YIPF4: variants seen among roughly 807,000 people sequenced by gnomAD.
YIPF4 encodes the protein protein YIPF4.
Under a neutral mutation model 29.4 loss-of-function variants are expected in YIPF4, and 18 were observed. That is an observed-to-expected ratio of 0.61 (90% CI 0.42 to 0.91). YIPF4 has a LOEUF of 0.91. Ranked by LOEUF, YIPF4 falls within the 40% of genes least tolerant of loss-of-function variation. The pLI is 0.00. For missense variants in YIPF4, 279 were observed against 282.7 expected, an observed-to-expected ratio of 0.99 and a Z score of 0.09; for synonymous variants, 115 against 104.7, an observed-to-expected ratio of 1.10 and a Z score of -0.60.
chr2:32,280,007 C>G (rs931445085), intron 1 of YIPF4, among the ~76,000 whole-genome samples: 1 of 150,282 alleles, frequency 6.7e-6, no homozygotes, highest in African/African-American at 2.5e-5. Context: ...AGTGATCCTC[C>G]CGCTTCAGTC....
intron 3 of YIPF4, among the ~76,000 whole-genome samples, chr2:32,294,485 C>T (rs1376946724): frequency 5.3e-5 from 8 of 151,138 alleles, no homozygotes; most frequent in African/African-American, 9.8e-5. Flanking sequence ...CGGGCAGAGA[C>T]GCTCCTCGCT....
At chr2:32,286,465 A>G (rs983332067) in intron 1 of YIPF4, among the ~76,000 whole-genome samples, 1 of 152,220 alleles carries the variant, frequency 6.6e-6, no homozygotes, top group Non-Finnish European at 1.5e-5. Flanking sequence ...ATAATATTTG[A>G]TAGAAAAACT....
chr2:32,315,677 T>A lies in YIPF4; in HGVS notation c.*10051T>A, dbSNP rs1000515905. On this transcript the variant is annotated 3_prime_UTR_variant, in exon 6 of 6. Coordinates refer to ENST00000238831, the MANE Select transcript of YIPF4 (RefSeq NM_032312.4). ...GTGGCATGAACCCGGGAGGCGGAGATTGCAGTGAGCCGAGATCGCGCCACT... is the reference window on the plus strand; with the variant it reads ...GTGGCATGAACCCGGGAGGCGGAGAATGCAGTGAGCCGAGATCGCGCCACT... The A allele has an allele frequency of 6.6e-6, 1 of 151,644 alleles. No individual in the cohort carries two copies. The highest frequency in any genetic ancestry group is 2.4e-5 in the African/African-American group (1 of 41,200). The allele number at this position is 151,644 out of a possible 1,614,324, so 9.4% of individuals were successfully genotyped here. A position where few individuals can be genotyped will look rare whatever the true frequency, so the allele number is the denominator to read the frequency against.
intron 1 of YIPF4, among the ~76,000 whole-genome samples, chr2:32,287,792 A>G (rs2030740735): frequency 6.6e-6 from 1 of 152,324 alleles, no homozygotes; most frequent in Non-Finnish European, 1.5e-5. Context: ...CTGTAGAAAC[A>G]TTTTTAAAAT....
At chr2:32,300,188 C>T (rs1025049128) in intron 4 of YIPF4, among the ~76,000 whole-genome samples, 28 of 152,152 alleles carry the variant, frequency 1.8e-4, no homozygotes, top group African/African-American at 6.5e-4. Context: ...ATCTCTTGAA[C>T]CCGGGAGGCG....
rs1415441550 is a variant in YIPF4 at position 32,309,540 on chromosome 2, T to C, written c.*3914T>C. 3 of 152,212 alleles carry C rather than the reference T, an allele frequency of 2.0e-5. No homozygotes were observed. Among genetic ancestry groups the C allele is most frequent in the African/African-American group, 7.2e-5 (3 of 41,462 alleles). The allele number at this position is 152,212 out of a possible 1,614,324, so 9.4% of individuals were successfully genotyped here. ...ATTTAGTCATTTAAAAATTTTGTGA[T>C]GTAACAAAATGTTGAATGAAATAAT... On this transcript the variant is annotated 3_prime_UTR_variant, in exon 6 of 6. Transcript: ENST00000238831.
Position 32,305,715 on chromosome 2 carries a change from C to A in YIPF4, c.*89C>A. 7.6e-7 allele frequency: 1 copy of A among 1,314,696 alleles called. No individual in the cohort carries two copies. 81.4% of individuals were successfully genotyped at this position (1,314,696 alleles called of 1,614,324 possible). A position where few individuals can be genotyped will look rare whatever the true frequency, so the allele number is the denominator to read the frequency against. On this transcript the variant is annotated 3_prime_UTR_variant, in exon 6 of 6. Transcript: ENST00000238831. ...TGAAGGAATTGGAGAAAACCTGTTG[C>A]TGCAAAATTTTACATGTTCCAGATG...
chr2:32,287,760 T>C (rs2030739128), intron 1 of YIPF4, among the ~76,000 whole-genome samples: 1 of 152,210 alleles, frequency 6.6e-6, no homozygotes, highest in Non-Finnish European at 1.5e-5. Context: ...TTACTGATAC[T>C]CTTCACTCTG....
In YIPF4 at chr2:32,305,933, G is replaced by A; in HGVS notation, c.*307G>A. 1 of 1,013,172 alleles carries A rather than the reference G, an allele frequency of 9.9e-7. No individual in the cohort carries two copies. The highest frequency in any genetic ancestry group is 1.2e-6 in the Non-Finnish European group (1 of 848,670). 62.8% of individuals were successfully genotyped at this position (1,013,172 alleles called of 1,614,324 possible). A position where few individuals can be genotyped will look rare whatever the true frequency, so the allele number is the denominator to read the frequency against. The stretch of plus-strand genomic sequence containing the variant: ...CTAAAAACTTGTGCCAAAAGCACCT[G>A]GATTGGTAATTATATTTCACTTAAA... On this transcript the variant is annotated 3_prime_UTR_variant, in exon 6 of 6. Transcript: ENST00000238831.
intron 3 of YIPF4, among the ~76,000 whole-genome samples, chr2:32,293,953 A>T: frequency 1.2e-5 from 1 of 83,488 alleles, no homozygotes; most frequent in African/African-American, 4.8e-5. Context: ...TGACCCCCCC[A>T]ACCTCCCTCC....
rs1052116416 is a variant in YIPF4 at position 32,315,978 on chromosome 2, C to A, written c.*10352C>A. The A allele has an allele frequency of 1.5e-5, 2 of 133,822 alleles. No homozygotes were observed. The highest frequency in any genetic ancestry group is 5.7e-5 in the African/African-American group (2 of 34,802). 8.3% of individuals were successfully genotyped at this position (133,822 alleles called of 1,614,324 possible). On this transcript the variant is annotated 3_prime_UTR_variant, in exon 6 of 6. Coordinates refer to ENST00000238831, the MANE Select transcript of YIPF4 (RefSeq NM_032312.4). ...GGAGCATAGCTTGAGCCCAGGCGTT[C>A]AAGACCTGCCTGGGCAATATAGCGA... is the stretch of plus-strand genomic sequence containing the variant.
intron 1 of YIPF4, among the ~76,000 whole-genome samples, chr2:32,286,746 A>G (rs192351470): frequency 6.6e-6 from 1 of 152,044 alleles, no homozygotes; most frequent in Non-Finnish European, 1.5e-5. Context: ...GGGTTTTACC[A>G]CGTTGGCCAG....
At chr2:32,279,704 C>T (rs556245310) in intron 1 of YIPF4, among the ~76,000 whole-genome samples, 27 of 151,812 alleles carry the variant, frequency 1.8e-4, no homozygotes, top group African/African-American at 5.3e-4. Context: ...CCACCGCGCC[C>T]GGCCGAAAGA....
rs1385929054 is a variant in YIPF4, at chr2:32,306,018, C to G, written c.*392C>G. On this transcript the variant is annotated 3_prime_UTR_variant, in exon 6 of 6. Coordinates refer to ENST00000238831, the MANE Select transcript of YIPF4 (RefSeq NM_032312.4). ...GCAATTTTTTTCTTCAAAATGTTTTCTCCAGCATCACAGATCCTGCAGATA... is the reference window on the plus strand; with the variant it reads ...GCAATTTTTTTCTTCAAAATGTTTTGTCCAGCATCACAGATCCTGCAGATA... 1.0e-6 allele frequency: 1 copy of G among 971,656 alleles called. No homozygotes were observed. The highest frequency in any genetic ancestry group is 1.2e-6 in the Non-Finnish European group (1 of 817,460). 60.2% of individuals were successfully genotyped at this position (971,656 alleles called of 1,614,324 possible). A position where few individuals can be genotyped will look rare whatever the true frequency, so the allele number is the denominator to read the frequency against.
chr2:32,284,542 A>G (rs1209965597), intron 1 of YIPF4, among the ~76,000 whole-genome samples: 1 of 152,122 alleles, frequency 6.6e-6, no homozygotes, highest in African/African-American at 2.4e-5. Context: ...TCCTCTGGCC[A>G]TGTAAAACTG....
At chr2:32,288,433 C>G (rs770020143) in intron 1 of YIPF4, among the ~76,000 whole-genome samples, 2 of 152,118 alleles carry the variant, frequency 1.3e-5, no homozygotes, top group African/African-American at 2.4e-5. Context: ...TGTTAAGGTC[C>G]TTTCCAGCCT....
At chr2:32,292,516 T>TTATGCTTAATC (rs2030961896) in intron 3 of YIPF4, among the ~76,000 whole-genome samples, 168 bp downstream of exon 3, 1 of 152,038 alleles carries the variant, frequency 6.6e-6, no homozygotes, top group East Asian at 1.9e-4. Flanking sequence ...AAGTGAGGAG[T>TTATGCTTAATC]ACCTTAGATT....
At chr2:32,279,667 C>T (rs568168674) in intron 1 of YIPF4, among the ~76,000 whole-genome samples, 1 of 151,730 alleles carries the variant, frequency 6.6e-6, no homozygotes, top group South Asian at 2.1e-4. Flanking sequence ...CCTCGGCCTC[C>T]CAAAGTGCTG....
In YIPF4 at chr2:32,316,395, C is replaced by T. The variant is rs533492690; in HGVS notation, c.*10769C>T. The T allele has an allele frequency of 3.9e-5, 6 of 152,264 alleles. No homozygotes were observed. In the East Asian group the frequency reaches 5.8e-4, roughly 15 times the overall value. 9.4% of individuals were successfully genotyped at this position (152,264 alleles called of 1,614,324 possible). ...TTCATGATTAAATGTGAATTAACAA[C>T]GTTGGCCTCTCGGATTCCCAAAACT... On this transcript the variant is annotated 3_prime_UTR_variant, in exon 6 of 6. Coordinates refer to ENST00000238831, the MANE Select transcript of YIPF4 (RefSeq NM_032312.4).
Sources: allele counts gnomAD v4.1 joint callset (sites outside exome capture counted in the v4.1 genomes callset), GRCh38; gene constraint gnomAD v4.1.1; transcripts MANE v1.5; gene names NCBI Gene and HGNC (gene_info 2026-07-23, HGNC 2026-07-21).